The following PRDM10 variants were observed in gnomAD, a reference collection of about 807,000 sequenced individuals.
The protein encoded by PRDM10 is PR domain zinc finger protein 10.
PRDM10 carries 65 observed loss-of-function variants against 133.1 expected under a neutral mutation model. The ratio of observed to expected loss-of-function variants is 0.49; its 90% CI spans 0.40 to 0.60. The LOEUF (loss-of-function observed/expected upper bound fraction) is 0.60. Among genes scored for constraint, PRDM10 ranks in the 20% least tolerant of loss-of-function variants. PRDM10 has a pLI of 0.00. For missense variants in PRDM10, 1,137 were observed against 1,507.1 expected, an observed-to-expected ratio of 0.75 and a Z score of 4.07; for synonymous variants, 582 against 580.4, an observed-to-expected ratio of 1.00 and a Z score of -0.04.
intron 6 of PRDM10, 148 bp downstream of exon 6, chr11:129,944,623 T>C: frequency 8.5e-7 from 1 of 1,181,106 alleles, no homozygotes; most frequent in Non-Finnish European, 1.2e-6. Context: ...ATCTTATTAG[T>C]GAGTTTCCAT....
chr11:129,960,352 AGC>A (rs748270222), intron 2 of PRDM10, among the ~76,000 whole-genome samples: 132 of 152,338 alleles, frequency 8.7e-4, no homozygotes, highest in Non-Finnish European at 1.5e-3. Flanking sequence ...CGCTAAGAAC[AGC>A]CAAAATAACA....
intron 1 of PRDM10, among the ~76,000 whole-genome samples, chr11:129,965,047 T>G (rs1461323918): frequency 6.6e-6 from 1 of 152,224 alleles, no homozygotes; most frequent in Non-Finnish European, 1.5e-5. Context: ...GGCTCACGCC[T>G]GTAATCCCAG....
chr11:130,002,146 C>T (rs905575218), intron 1 of PRDM10, among the ~76,000 whole-genome samples: 4 of 149,490 alleles, frequency 2.7e-5, no homozygotes, highest in Admixed American at 6.7e-5. Flanking sequence ...GCCCGGCGCC[C>T]GGCCCCCAGC....
intron 2 of PRDM10, 87 bp downstream of exon 2, chr11:129,960,809 T>C (rs1951782041): frequency 7.2e-7 from 1 of 1,388,766 alleles, no homozygotes; most frequent in South Asian, 1.2e-5. Context: ...TAGTCACTAC[T>C]AGATAGCAGC....
intron 1 of PRDM10, among the ~76,000 whole-genome samples, chr11:129,965,820 C>T (rs1175148505): frequency 5.3e-5 from 8 of 151,950 alleles, no homozygotes; most frequent in African/African-American, 1.4e-4. Flanking sequence ...TCCTGAACAG[C>T]ATTGTACAGT....
At chr11:129,920,958 T>C (rs1253806993) in intron 13 of PRDM10, among the ~76,000 whole-genome samples, 5 of 152,110 alleles carry the variant, frequency 3.3e-5, no homozygotes, top group Non-Finnish European at 4.4e-5. Context: ...CCACCACGCC[T>C]GGCTACTTTT....
intron 4 of PRDM10, among the ~76,000 whole-genome samples, chr11:129,950,095 G>A (rs1203577700): frequency 6.6e-6 from 1 of 152,056 alleles, no homozygotes; most frequent in East Asian, 1.9e-4. Flanking sequence ...ATTTAGCTGG[G>A]CAGTGGTGGC....
Position 129,965,630 on chromosome 11 carries a change from A to C in PRDM10, c.-118-4548T>G, listed in dbSNP as rs551996151. 5.3e-5 allele frequency among the ~76,000 whole-genome samples: 8 copies of C among 152,252 alleles called. No homozygotes were observed. The South Asian group carries it at 1.7e-3, about 32-fold the overall frequency. On this transcript the variant is annotated intron_variant, in intron 1 of 20. Coordinates refer to ENST00000360871, the MANE Select transcript of PRDM10 (RefSeq NM_199437.2). ...ATTTCATTTCCAGGAAGAGAATGAT[A>C]TGGTTGCATTTCTATTTTCTCTCTA...
intron 1 of PRDM10, among the ~76,000 whole-genome samples, chr11:129,968,512 G>T (rs1951950573): frequency 6.6e-6 from 1 of 152,242 alleles, no homozygotes; most frequent in Admixed American, 6.5e-5. Flanking sequence ...CGGGGACCAG[G>T]TTCCACAGAA....
chr11:129,942,669 C>G, intron 6 of PRDM10, 40 bp from the exon 7 acceptor site: 1 of 1,514,888 alleles, frequency 6.6e-7, no homozygotes, highest in Non-Finnish European at 9.1e-7. Flanking sequence ...AAAACAAAAC[C>G]TTCAATATGA....
At chr11:129,991,006 C>T (rs1403104422) in intron 1 of PRDM10, among the ~76,000 whole-genome samples, 1 of 152,170 alleles carries the variant, frequency 6.6e-6, no homozygotes, top group Non-Finnish European at 1.5e-5. Context: ...GGACTATGTT[C>T]ACTGGTCTAG....
intron 4 of PRDM10, among the ~76,000 whole-genome samples, chr11:129,953,013 G>A (rs1220990985): frequency 4.7e-5 from 7 of 149,708 alleles, no homozygotes; most frequent in Non-Finnish European, 3.0e-5. Context: ...CACTCTTATC[G>A]CCCAAGCTGG....
At chr11:129,960,175 T>G (rs1207778524) in intron 2 of PRDM10, among the ~76,000 whole-genome samples, 2 of 152,222 alleles carry the variant, frequency 1.3e-5, no homozygotes, top group African/African-American at 4.8e-5. Flanking sequence ...TTCTTGATTT[T>G]GATACTGGTA....
intron 1 of PRDM10, among the ~76,000 whole-genome samples, chr11:129,989,477 A>C (rs756345022): frequency 1.1e-4 from 17 of 152,314 alleles, no homozygotes; most frequent in Non-Finnish European, 2.2e-4. Context: ...CCATGCACCC[A>C]ACACTATTTA....
At chr11:130,000,360 C>A (rs1190455292) in intron 1 of PRDM10, among the ~76,000 whole-genome samples, 1 of 152,046 alleles carries the variant, frequency 6.6e-6, no homozygotes, top group Non-Finnish European at 1.5e-5. Context: ...TATGTTTTCT[C>A]CAATGATCAC....
chr11:129,928,555 AT>A (rs1185959588), intron 11 of PRDM10, among the ~76,000 whole-genome samples: 4 of 151,166 alleles, frequency 2.6e-5, no homozygotes, highest in African/African-American at 9.8e-5. Context: ...ATGTCCACCT[AT>A]TTTTTTGTAT....
chr11:129,935,020 A>G, intron 9 of PRDM10, 81 bp downstream of exon 9: 1 of 1,208,366 alleles, frequency 8.3e-7, no homozygotes, highest in Non-Finnish European at 1.2e-6. Flanking sequence ...ACTCGGAGAC[A>G]CTCATTAGCT....
chr11:129,949,762 C>G (rs375286299), intron 4 of PRDM10, among the ~76,000 whole-genome samples: 11 of 151,964 alleles, frequency 7.2e-5, no homozygotes, highest in Admixed American at 6.6e-4. Flanking sequence ...GAAACCCTGT[C>G]TCTACTAAAA....
chr11:129,954,848 T>A (rs1565493645), intron 4 of PRDM10, among the ~76,000 whole-genome samples: 1 of 151,930 alleles, frequency 6.6e-6, no homozygotes, highest in Non-Finnish European at 1.5e-5. Context: ...AATTTTTAAA[T>A]TTTTTGCAGA....
Sources: gnomAD v4.1 joint callset for allele counts (sites outside exome capture counted in the v4.1 genomes callset) on GRCh38, gnomAD v4.1.1 for gene constraint, MANE v1.5 for transcripts, NCBI Gene and HGNC (gene_info 2026-07-23, HGNC 2026-07-21) for gene names.